The following BZW2 variants were observed in gnomAD, a reference collection of about 807,000 sequenced individuals.
BZW2 encodes the protein basic leucine zipper and W2 domains 2.
A neutral mutation model predicts 53.2 loss-of-function variants in BZW2; 23 were observed. The observed-to-expected ratio is 0.43, with a 90% CI of 0.31 to 0.61. The LOEUF (loss-of-function observed/expected upper bound fraction) is 0.61. Ranked by LOEUF, BZW2 falls within the 20% of genes least tolerant of loss-of-function variation. The pLI is 0.09. For synonymous variants in BZW2, 227 were observed against 186.4 expected (o/e 1.22, Z -1.77); for missense variants, 409 against 503.1 (o/e 0.81, Z 1.79).
chr7:16,673,527 AT>A (rs756861226), intron 2 of BZW2, among the ~76,000 whole-genome samples: 35 of 151,598 alleles, frequency 2.3e-4, no homozygotes, highest in Admixed American at 2.6e-4. Flanking sequence ...CTTCTCACTA[AT>A]TTTTTTTTGT....
Position 16,665,509 on chromosome 7 carries a change from G to A in BZW2, c.58+8G>A. 1 of 986,348 alleles carries A rather than the reference G, an allele frequency of 1.0e-6. No homozygotes were observed. The highest frequency in any genetic ancestry group is 1.8e-5 in the South Asian group (1 of 54,586). 61.1% of individuals were successfully genotyped at this position (986,348 alleles called of 1,614,324 possible). Reference sequence around the variant, plus strand: ...TCAAAACTCGGAAAAGGGGTAGGTTGTGTGTGTGTGTGTGTGTGTGTTTAA... The same window carrying A: ...TCAAAACTCGGAAAAGGGGTAGGTTATGTGTGTGTGTGTGTGTGTGTTTAA... On this transcript the variant is annotated splice_region_variant and intron_variant, in intron 2 of 11. Transcript: ENST00000258761.
chr7:16,674,571 T>A lies in BZW2; in HGVS notation c.218T>A (p.Val73Glu). Residue 73 changes from valine (V) to glutamate (E), a missense_variant, in exon 3 of 12, where the codon GTG becomes GAG. Val to Glu is a moderately radical substitution (Grantham distance 121). Around this residue, in one of 3 missense-constraint regions of BZW2, gnomAD observed 316 missense variants for 366.8 expected, o/e 0.86. Transcript: ENST00000258761. ...RYADTLFDILVAGSMLAPGGT... is the reference protein window; with the variant it reads ...RYADTLFDILEAGSMLAPGGT... ...GCAGACACACTCTTCGATATCCTGG[T>A]GGCTGGCAGTATGCTTGGTAAACCA... The A allele has an allele frequency of 6.2e-7, 1 of 1,602,568 alleles. No homozygotes were observed. Among genetic ancestry groups the A allele is most frequent in the Non-Finnish European group, 8.5e-7 (1 of 1,173,932 alleles).
At chr7:16,646,993 G>C (rs968462858) in intron 1 of BZW2, among the ~76,000 whole-genome samples, 3 of 152,108 alleles carry the variant, frequency 2.0e-5, no homozygotes, top group African/African-American at 7.2e-5. Context: ...AGAGGGCGGA[G>C]ATTAAATTGG....
intron 1 of BZW2, among the ~76,000 whole-genome samples, 165 bp from the exon 2 acceptor site, chr7:16,665,272 C>T (rs1583709233): frequency 6.6e-6 from 1 of 151,690 alleles, no homozygotes; most frequent in African/African-American, 2.4e-5. Flanking sequence ...CACCACTGCA[C>T]TCCCACCTGG....
chr7:16,658,705 T>C (rs1327379355), intron 1 of BZW2, among the ~76,000 whole-genome samples: 1 of 151,918 alleles, frequency 6.6e-6, no homozygotes, highest in Non-Finnish European at 1.5e-5. Context: ...TGAAACCCCG[T>C]CTGTACTAAA....
Position 16,651,357 on chromosome 7 carries a change from A to G in BZW2, c.-8+5069A>G, listed in dbSNP as rs1781980135. On this transcript the variant is annotated intron_variant, in intron 1 of 11. Transcript: ENST00000258761. ...AAGGGATAATAACGTTTAGCACTGT[A>G]GAGAATATATCATAAGCTACTATTG... Among the ~76,000 whole-genome samples the G allele has an allele frequency of 3.3e-5, 5 of 152,384 alleles. No homozygotes were observed. The South Asian group carries it at 1.0e-3, about 32-fold the overall frequency.
intron 3 of BZW2, 109 bp downstream of exon 3, chr7:16,674,697 TA>T: frequency 4.0e-6 from 4 of 1,005,420 alleles, no homozygotes; most frequent in Non-Finnish European, 5.3e-6. Context: ...TTAGAGTTAA[TA>T]AAAATACAAA....
intron 7 of BZW2, among the ~76,000 whole-genome samples, chr7:16,691,369 G>A (rs1015726923): frequency 1.3e-5 from 2 of 152,210 alleles, no homozygotes; most frequent in African/African-American, 4.8e-5. Context: ...TGCTGAGGAA[G>A]GTGGAGGTTC....
At chr7:16,693,232 G>A (rs932450131) in intron 7 of BZW2, among the ~76,000 whole-genome samples, 21 of 152,040 alleles carry the variant, frequency 1.4e-4, no homozygotes, top group Non-Finnish European at 8.8e-5. Context: ...TTTGTACCAC[G>A]GTATGGTTTC....
intron 7 of BZW2, among the ~76,000 whole-genome samples, chr7:16,690,440 A>T (rs1363446831): frequency 6.6e-6 from 1 of 152,072 alleles, no homozygotes; most frequent in Non-Finnish European, 1.5e-5. Context: ...CCTGACCTCA[A>T]GTAATCCGCC....
intron 1 of BZW2, among the ~76,000 whole-genome samples, chr7:16,646,773 G>T (rs1781876137): frequency 6.6e-6 from 1 of 152,226 alleles, no homozygotes; most frequent in South Asian, 2.1e-4. Flanking sequence ...TTTGGCCTCT[G>T]TGGAAGCTGT....
At chr7:16,666,464 G>A (rs1022941037) in intron 2 of BZW2, among the ~76,000 whole-genome samples, 50 of 151,528 alleles carry the variant, frequency 3.3e-4, no homozygotes, top group African/African-American at 1.1e-3. Flanking sequence ...GTGCAGTGGC[G>A]CCATCTCGGC....
Position 16,698,194 on chromosome 7 carries a change from T to G in BZW2, c.1108+8T>G. The G allele has an allele frequency of 6.2e-7, 1 of 1,614,078 alleles. No individual in the cohort carries two copies. The highest frequency in any genetic ancestry group is 2.2e-5 in the East Asian group (1 of 44,876). On this transcript the variant is annotated splice_region_variant and intron_variant, in intron 10 of 11. Coordinates refer to ENST00000258761, the MANE Select transcript of BZW2 (RefSeq NM_014038.3). ...TGGTTCTCTTTTATAAAGGTATCCA[T>G]CCACGTGCCACTGCTGTGCTTCTGT...
At chr7:16,670,785 C>T (rs138973679) in intron 2 of BZW2, among the ~76,000 whole-genome samples, 13 of 152,300 alleles carry the variant, frequency 8.5e-5, no homozygotes, top group African/African-American at 3.1e-4. Flanking sequence ...ATTTTTTCTG[C>T]AGTCACCATT....
intron 1 of BZW2, among the ~76,000 whole-genome samples, chr7:16,659,844 A>AT (rs1011605894): frequency 1.5e-4 from 23 of 148,760 alleles, no homozygotes; most frequent in Non-Finnish European, 3.1e-4. Flanking sequence ...TTTTGTTTTT[A>AT]TTTTTTTATT....
Position 16,689,908 on chromosome 7 carries a change from T to C in BZW2, c.651+2T>C. On this transcript the variant is annotated splice_donor_variant, in intron 7 of 11. Coordinates refer to ENST00000258761, the MANE Select transcript of BZW2 (RefSeq NM_014038.3). LOFTEE classifies it high-confidence loss of function. ...GCCAACTTAGACAAGAGGCTGCTTG[T>C]AAGTGTTTTCTGGTTAAAGAGTTGT... 6.2e-7 allele frequency: 1 copy of C among 1,607,194 alleles called. No individual in the cohort carries two copies. The highest frequency in any genetic ancestry group is 8.5e-7 in the Non-Finnish European group (1 of 1,176,162).
intron 10 of BZW2, among the ~76,000 whole-genome samples, chr7:16,703,194 T>G (rs1172316550): frequency 6.6e-6 from 1 of 152,160 alleles, no homozygotes; most frequent in Non-Finnish European, 1.5e-5. Flanking sequence ...TAAGAATAAG[T>G]CTACAGGACC....
At chr7:16,658,281 G>C (rs2128351544) in intron 1 of BZW2, among the ~76,000 whole-genome samples, 1 of 152,266 alleles carries the variant, frequency 6.6e-6, no homozygotes, top group East Asian at 1.9e-4. Flanking sequence ...AAAAGTTTTT[G>C]AAAATAGCTT....
In BZW2 at chr7:16,654,512, C is replaced by G. The variant is rs1035705107; in HGVS notation, c.-8+8224C>G. 2.2e-3 allele frequency among the ~76,000 whole-genome samples: 100 copies of G among 46,366 alleles called. 1 individual carries two copies. The highest frequency in any genetic ancestry group is 0.012 in the African/African-American group (99 of 8,440). 30.4% of individuals were successfully genotyped at this position (46,366 alleles called of 152,430 possible). A position where few individuals can be genotyped will look rare whatever the true frequency, so the allele number is the denominator to read the frequency against. On this transcript the variant is annotated intron_variant, in intron 1 of 11. Coordinates refer to ENST00000258761, the MANE Select transcript of BZW2 (RefSeq NM_014038.3). ...TTTTAATTTTTTTCTGTATATAACC[C>G]CCCCCCCCCAAAAAAAAACGGATGA...
Sources: allele counts gnomAD v4.1 joint callset (sites outside exome capture counted in the v4.1 genomes callset), GRCh38; gene constraint gnomAD v4.1.1; regional missense constraint gnomAD v4.1.1; transcripts MANE v1.5; gene names NCBI Gene and HGNC (gene_info 2026-07-23, HGNC 2026-07-21).